The following APP variants were observed in gnomAD, a reference collection of about 807,000 sequenced individuals.
APP encodes the protein amyloid-beta precursor protein.
In APP, 31 loss-of-function variants were observed where a neutral mutation model predicts 101.4. That is an observed-to-expected ratio of 0.31 (90% CI 0.23 to 0.41). The LOEUF is 0.41. APP is among the 10% of genes least tolerant of loss of function. APP has a pLI of 1.00. For synonymous variants in APP, 366 were observed against 364.4 expected (o/e 1.00, Z -0.05); for missense variants, 839 against 1,003.7 (o/e 0.84, Z 2.22).
At chr21:26,100,750 T>C (rs2062037125) in intron 2 of APP, among the ~76,000 whole-genome samples, 1 of 152,218 alleles carries the variant, frequency 6.6e-6, no homozygotes, top group South Asian at 2.1e-4. Flanking sequence ...ATCTATAGAT[T>C]AAGCAACTGT....
rs753657231 is a variant in APP at position 25,975,131 on chromosome 21, T to C, written c.1397A>G (p.Asn466Ser). The C allele has an allele frequency of 4.3e-6, 7 of 1,613,942 alleles. No individual in the cohort carries two copies. The highest frequency in any genetic ancestry group is 3.3e-5 in the South Asian group (3 of 91,066). ...THMARVEAML[N>S]DRRRLALENY... ...CTCCAGGGCCAGGCGGCGGCGGTCA[T>C]TGAGCATGGCTTCCACTCTGGCCAT... Residue 466 changes from asparagine (N) to serine (S), a missense_variant, in exon 11 of 18, where the codon AAT becomes AGT. Transcript: ENST00000346798.
intron 1 of APP, among the ~76,000 whole-genome samples, chr21:26,148,850 T>C (rs565988083): frequency 6.5e-4 from 99 of 152,256 alleles, no homozygotes; most frequent in Non-Finnish European, 1.1e-3. Flanking sequence ...TCTATTTAGA[T>C]ACTTTGTAGA....
At chr21:26,150,984 C>A (rs889845869) in intron 1 of APP, among the ~76,000 whole-genome samples, 2 of 152,158 alleles carry the variant, frequency 1.3e-5, no homozygotes, top group Non-Finnish European at 1.5e-5. Flanking sequence ...GGCCGACTGA[C>A]CACAGAAACG....
chr21:25,964,887 A>G lies in APP; in HGVS notation c.1459-9132T>C, dbSNP rs138277542. 3.4e-3 allele frequency among the ~76,000 whole-genome samples: 524 copies of G among 152,342 alleles called. 5 individuals carry two copies. The highest frequency in any genetic ancestry group is 0.012 in the African/African-American group (500 of 41,590). On this transcript the variant is annotated intron_variant, in intron 11 of 17. Coordinates refer to ENST00000346798, the MANE Select transcript of APP (RefSeq NM_000484.4). ...AGTGCTGGGATTACAGGCATGAGCC[A>G]CCACGCCTGGCTGACCTTTTTACAA... is the stretch of plus-strand genomic sequence containing the variant.
chr21:25,924,448 T>C (rs1181810951), intron 13 of APP, among the ~76,000 whole-genome samples: 1 of 99,092 alleles, frequency 1.0e-5, no homozygotes, highest in Non-Finnish European at 2.0e-5. Flanking sequence ...AAAGGTTGAG[T>C]TCATGTCCTT....
At chr21:25,973,164 C>CAAAAA (rs34239681) in intron 11 of APP, among the ~76,000 whole-genome samples, 1 of 146,628 alleles carries the variant, frequency 6.8e-6, no homozygotes. Context: ...CTAATTAATC[C>CAAAAA]AAAAAAAAAA....
chr21:26,162,005 A>C (rs1296789399), intron 1 of APP, among the ~76,000 whole-genome samples: 1 of 152,190 alleles, frequency 6.6e-6, no homozygotes, highest in Non-Finnish European at 1.5e-5. Flanking sequence ...ATTCAATTAT[A>C]AACAAAATAA....
intron 3 of APP, among the ~76,000 whole-genome samples, chr21:26,079,592 T>A (rs72635015): frequency 0.089 from 13,576 of 152,228 alleles, 768 homozygotes; most frequent in East Asian, 0.23. Context: ...CGTTATTAAA[T>A]CTGACGGCAT....
intron 6 of APP, among the ~76,000 whole-genome samples, chr21:26,005,934 A>G (rs1568843796): frequency 6.6e-6 from 1 of 152,334 alleles, no homozygotes; most frequent in East Asian, 1.9e-4. Context: ...TGTATACTAT[A>G]TGTAATTATT....
In APP at chr21:25,930,952, T is replaced by C. The variant is rs563933645; in HGVS notation, c.1688-18990A>G. On this transcript the variant is annotated intron_variant, in intron 13 of 17. Coordinates refer to ENST00000346798, the MANE Select transcript of APP (RefSeq NM_000484.4). ...TCTGTCTTCAGGAGAGCATTCACGA[T>C]GCACAGGAGTGAGAGAAGCTGAAAA... Among the ~76,000 whole-genome samples the C allele has an allele frequency of 2.0e-5, 3 of 152,310 alleles. No homozygotes were observed. In the East Asian group the frequency reaches 5.8e-4, roughly 29 times the overall value.
intron 13 of APP, among the ~76,000 whole-genome samples, chr21:25,918,703 T>C (rs920938337): frequency 4.0e-5 from 6 of 151,706 alleles, no homozygotes; most frequent in Non-Finnish European, 7.4e-5. Context: ...CACGAGACTA[T>C]ATCCCACACC....
At position 25,897,732 on chromosome 21, in the gene APP, TAAC is replaced by T. The variant is rs1053299784; in HGVS notation, c.1964-62_1964-60del. 26 of 1,417,634 alleles carry T rather than the reference TAAC, an allele frequency of 1.8e-5. No homozygotes were observed. In the Admixed American group the frequency reaches 2.7e-4, roughly 15 times the overall value. 87.8% of individuals were successfully genotyped at this position (1,417,634 alleles called of 1,614,324 possible). On this transcript the variant is annotated intron_variant, in intron 15 of 17. Coordinates refer to ENST00000346798, the MANE Select transcript of APP (RefSeq NM_000484.4). ...ACCAATTAGTTTTACTCATAAATAA[TAAC>T]ACTGTAAGACAAAGCCTACCCAAAA...
chr21:26,133,101 G>T (rs2062827636), intron 1 of APP, among the ~76,000 whole-genome samples: 1 of 152,102 alleles, frequency 6.6e-6, no homozygotes, highest in East Asian at 1.9e-4. Context: ...AGCTGGGCAT[G>T]GTGGTGCATG....
intron 8 of APP, among the ~76,000 whole-genome samples, chr21:25,996,891 T>C (rs1233544443): frequency 6.6e-6 from 1 of 152,208 alleles, no homozygotes; most frequent in African/African-American, 2.4e-5. Context: ...AATCCAAAAT[T>C]TGAGATGGTT....
At chr21:25,885,318 C>A (rs2037252961) in intron 17 of APP, among the ~76,000 whole-genome samples, 1 of 152,248 alleles carries the variant, frequency 6.6e-6, no homozygotes, top group Non-Finnish European at 1.5e-5. Context: ...GTGGCATGGG[C>A]CACCATGTGA....
chr21:25,905,653 A>C (rs1286081529), intron 14 of APP, among the ~76,000 whole-genome samples: 1 of 152,200 alleles, frequency 6.6e-6, no homozygotes, highest in Non-Finnish European at 1.5e-5. Context: ...TCTTTTTCTC[A>C]CTTTTTCAAA....
At chr21:26,077,019 C>T (rs1365638960) in intron 3 of APP, among the ~76,000 whole-genome samples, 3 of 149,320 alleles carry the variant, frequency 2.0e-5, no homozygotes, top group African/African-American at 5.0e-5. Flanking sequence ...GCCAAGACTG[C>T]GCCACTGCGC....
intron 11 of APP, among the ~76,000 whole-genome samples, chr21:25,963,750 G>A (rs71317447): frequency 6.6e-6 from 1 of 152,118 alleles, no homozygotes; most frequent in Non-Finnish European, 1.5e-5. Flanking sequence ...TTAGTTAAAC[G>A]TAATATTTGG....
At chr21:26,144,626 T>C (rs560053092) in intron 1 of APP, among the ~76,000 whole-genome samples, 1 of 152,340 alleles carries the variant, frequency 6.6e-6, no homozygotes, top group East Asian at 1.9e-4. Flanking sequence ...ACAGATGTCT[T>C]ATCATGGTCA....
Sources: allele counts gnomAD v4.1 joint callset (sites outside exome capture counted in the v4.1 genomes callset), GRCh38; gene constraint gnomAD v4.1.1; transcripts MANE v1.5; gene names NCBI Gene and HGNC (gene_info 2026-07-23, HGNC 2026-07-21).